Variants in SGCD observed in about 807,000 individuals in gnomAD.
SGCD encodes delta-sarcoglycan.
In SGCD, 18 loss-of-function variants were observed where a neutral mutation model predicts 36.6. The observed-to-expected ratio is 0.49, with a 90% CI of 0.34 to 0.73. SGCD has a LOEUF of 0.73. SGCD is among the 30% of genes least tolerant of loss of function. The probability of loss-of-function intolerance (pLI) is 0.01; values close to 1 mark genes in which losing one functional copy is unlikely to be tolerated. For missense variants in SGCD, 387 were observed against 346.7 expected, an observed-to-expected ratio of 1.12 and a Z score of -0.92; for synonymous variants, 133 against 130.6, an observed-to-expected ratio of 1.02 and a Z score of -0.12.
At chr5:156,325,120 G>A (rs1428860799), upstream of SGCD, among the ~76,000 whole-genome samples, 1 of 152,048 alleles carries the variant, frequency 6.6e-6, no homozygotes. Context: ...TTTTCTGTGA[G>A]TTAATCTCAA....
intron 1 of SGCD, among the ~76,000 whole-genome samples, chr5:155,931,841 G>A (rs569218788): frequency 2.2e-4 from 34 of 152,310 alleles, no homozygotes; most frequent in Non-Finnish European, 4.6e-4. Context: ...GTGGTAGCTT[G>A]TAAACTACAG....
chr5:156,458,160 C>G, intron 3 of SGCD, among the ~76,000 whole-genome samples: 1 of 152,120 alleles, frequency 6.6e-6, no homozygotes. Flanking sequence ...TCCTCATTCC[C>G]CAGCAGGCAG....
the SGCD span, among the ~76,000 whole-genome samples, chr5:155,747,253 G>A: frequency 1.3e-5 from 2 of 152,156 alleles, no homozygotes; most frequent in Non-Finnish European, 2.9e-5. Context: ...AGGCCTGGAG[G>A]ACAGAATAGG....
At chr5:156,629,257 C>T (rs548177462) in intron 6 of SGCD, among the ~76,000 whole-genome samples, 46 of 152,194 alleles carry the variant, frequency 3.0e-4, no homozygotes, top group African/African-American at 9.9e-4. Flanking sequence ...TCTTACTGCC[C>T]GATGACATGT....
At chr5:156,165,608 C>G (rs61141756) in intron 3 of SGCD, among the ~76,000 whole-genome samples, 1 of 152,128 alleles carries the variant, frequency 6.6e-6, no homozygotes, top group Non-Finnish European at 1.5e-5. Flanking sequence ...ATCCTTGAAC[C>G]TGCAGATGGA....
intron 6 of SGCD, among the ~76,000 whole-genome samples, chr5:156,606,103 G>T (rs932382212): frequency 6.6e-6 from 1 of 152,146 alleles, no homozygotes. Flanking sequence ...TGGTGTTTTA[G>T]ACATGAAGTC....
At chr5:156,553,083 T>A (rs1240819775) in intron 4 of SGCD, among the ~76,000 whole-genome samples, 2 of 152,126 alleles carry the variant, frequency 1.3e-5, no homozygotes. Flanking sequence ...GGAGATCACA[T>A]GGTCAGAGAT....
At chr5:156,286,754 C>T (rs1766611335) in intron 3 of SGCD, among the ~76,000 whole-genome samples, 1 of 151,848 alleles carries the variant, frequency 6.6e-6, no homozygotes, top group African/African-American at 2.4e-5. Context: ...AGCACACCAA[C>T]ATGGCACATG....
In SGCD at chr5:156,260,537, A is replaced by C. The variant is rs548878073; in HGVS notation, c.-43-68997A>C. Among the ~76,000 whole-genome samples the C allele has an allele frequency of 1.8e-4, 27 of 152,242 alleles. No homozygotes were observed. The South Asian group carries it at 5.4e-3, about 30-fold the overall frequency. On this transcript the variant is annotated intron_variant, in intron 3 of 9. Transcript: ENST00000517913. Reference sequence around the variant, plus strand: ...TTTTCTGAATACCCATTGTTAGTAAATATTGATATTATAATGTGTGATATT... The same window carrying C: ...TTTTCTGAATACCCATTGTTAGTAACTATTGATATTATAATGTGTGATATT...
intron 3 of SGCD, among the ~76,000 whole-genome samples, chr5:156,449,353 G>C (rs575268410): frequency 1.3e-5 from 2 of 152,000 alleles, no homozygotes; most frequent in African/African-American, 2.4e-5. Context: ...TTGTAAGGGC[G>C]GAACTAAGTC....
rs201396924 is a variant in SGCD at position 156,158,059 on chromosome 5, C to CT, written c.-44+34051dup. Among the ~76,000 whole-genome samples the CT allele has an allele frequency of 7.1e-4, 102 of 142,798 alleles. 2 individuals carry two copies. Among genetic ancestry groups the CT allele is most frequent in the Admixed American group, 1.3e-3 (18 of 14,258 alleles). 93.7% of individuals were successfully genotyped at this position (142,798 alleles called of 152,430 possible). On this transcript the variant is annotated intron_variant, in intron 3 of 9. Coordinates refer to the SGCD transcript ENST00000517913. ...AGGAAACTGTGTAATTGGTTTTTTGCTTTTTTTTTTTGCACCATGATAAGG... is the reference window on the plus strand; with the variant it reads ...AGGAAACTGTGTAATTGGTTTTTTGCTTTTTTTTTTTTGCACCATGATAAGG...
intron 1 of SGCD, among the ~76,000 whole-genome samples, chr5:155,951,694 T>C (rs1757551512): frequency 6.6e-6 from 1 of 152,154 alleles, no homozygotes; most frequent in African/African-American, 2.4e-5. Flanking sequence ...AGATAGGCTA[T>C]GTCAAATGCC....
At chr5:156,262,192 C>T (rs1018159753) in intron 3 of SGCD, among the ~76,000 whole-genome samples, 1 of 152,120 alleles carries the variant, frequency 6.6e-6, no homozygotes, top group African/African-American at 2.4e-5. Flanking sequence ...CTCAGAGCAA[C>T]TTCCAGTCTT....
At chr5:156,569,584 T>C (rs1443784877) in intron 4 of SGCD, among the ~76,000 whole-genome samples, 1 of 148,932 alleles carries the variant, frequency 6.7e-6, no homozygotes, top group African/African-American at 2.5e-5. Flanking sequence ...AGAGTGCATA[T>C]TGATTTTTTG....
At chr5:156,186,285 G>A (rs1023862457) in intron 3 of SGCD, among the ~76,000 whole-genome samples, 3 of 152,124 alleles carry the variant, frequency 2.0e-5, no homozygotes, top group African/African-American at 7.2e-5. Context: ...TTGAGGTTGT[G>A]ACTGGTGGGT....
In SGCD at chr5:156,480,657, C is replaced by T. The variant is rs142923382; in HGVS notation, c.193-27944C>T. ...GTGTTCTAATAACTTCTTTAGCTAA[C>T]TAGATTTGTGGGGGAATGAATTAAT... On this transcript the variant is annotated intron_variant, in intron 3 of 8. Transcript: ENST00000337851. Among the ~76,000 whole-genome samples, 196 of 152,276 alleles carry T rather than the reference C, an allele frequency of 1.3e-3. 1 individual carries two copies. Among genetic ancestry groups the T allele is most frequent in the African/African-American group, 4.4e-3 (183 of 41,560 alleles).
chr5:156,314,541 G>C (rs1767465960), intron 3 of SGCD, among the ~76,000 whole-genome samples: 1 of 151,890 alleles, frequency 6.6e-6, no homozygotes, highest in Non-Finnish European at 1.5e-5. Flanking sequence ...AATTATTATA[G>C]TGTCTACTCC....
At chr5:155,763,392 A>T in the SGCD span, among the ~76,000 whole-genome samples, 1 of 152,184 alleles carries the variant, frequency 6.6e-6, no homozygotes, top group Non-Finnish European at 1.5e-5. Context: ...CAGTAATGGA[A>T]AGTAATGAAT....
At chr5:156,539,919 G>A (rs1758284084) in intron 4 of SGCD, among the ~76,000 whole-genome samples, 1 of 152,102 alleles carries the variant, frequency 6.6e-6, no homozygotes. Context: ...ACCTGTCTAA[G>A]CTTCATTTTA....
Sources: allele counts gnomAD v4.1 joint callset (sites outside exome capture counted in the v4.1 genomes callset), GRCh38; gene constraint gnomAD v4.1.1; transcripts MANE v1.5; gene names NCBI Gene and HGNC (gene_info 2026-07-23, HGNC 2026-07-21).